Variants in PDE10A observed in about 807,000 individuals in gnomAD.
PDE10A encodes phosphodiesterase 10A.
In PDE10A, 39 loss-of-function variants were observed where a neutral mutation model predicts 97.7. The ratio of observed to expected loss-of-function variants is 0.40; its 90% CI spans 0.31 to 0.52. PDE10A has a LOEUF of 0.52. PDE10A is among the 20% of genes least tolerant of loss of function. PDE10A has a pLI of 0.56. For missense variants in PDE10A, 731 were observed against 1,047.8 expected (o/e 0.70, Z 4.17); for synonymous variants, 371 against 376.8 (o/e 0.98, Z 0.18).
intron 1 of PDE10A, among the ~76,000 whole-genome samples, chr6:165,930,051 C>G (rs2164775): frequency 1.3e-5 from 1 of 77,796 alleles, no homozygotes; most frequent in African/African-American, 5.1e-5. Flanking sequence ...AGGGTGGCAG[C>G]TGGGAAAAGA....
intron 1 of PDE10A, among the ~76,000 whole-genome samples, chr6:165,947,751 T>C (rs1363552027): frequency 5.3e-5 from 8 of 152,160 alleles, no homozygotes; most frequent in Admixed American, 5.2e-4. Flanking sequence ...GATGTCGAAA[T>C]TGTCATACTT....
intron 1 of PDE10A, among the ~76,000 whole-genome samples, chr6:165,875,731 G>GTTTTTTTTTGTTTTTTTTTTTT (rs1554334699): frequency 2.1e-5 from 1 of 46,948 alleles, no homozygotes. Flanking sequence ...TTCTTTTACT[G>GTTTTTTTTTGTTTTTTTTTTTT]TTTTTTTTTT....
At chr6:165,686,618 T>G (rs1338282586) in intron 1 of PDE10A, among the ~76,000 whole-genome samples, 1 of 152,220 alleles carries the variant, frequency 6.6e-6, no homozygotes, top group Non-Finnish European at 1.5e-5. Context: ...CACAAGGCCA[T>G]AAGCAGTGTT....
chr6:165,525,401 T>C (rs1311605551), intron 2 of PDE10A, among the ~76,000 whole-genome samples: 4 of 152,122 alleles, frequency 2.6e-5, no homozygotes, highest in Admixed American at 6.6e-5. Context: ...AGTTGAAATA[T>C]GCATTAAAAA....
At chr6:165,704,274 A>C (rs1791652308) in intron 1 of PDE10A, among the ~76,000 whole-genome samples, 2 of 152,110 alleles carry the variant, frequency 1.3e-5, no homozygotes, top group Admixed American at 6.5e-5. Flanking sequence ...TCCTTCAAAG[A>C]GAGAGGAGCC....
At position 165,576,128 on chromosome 6, in the gene PDE10A, A is replaced by G. The variant is rs920856412; in HGVS notation, c.866-32560T>C. On this transcript the variant is annotated intron_variant, in intron 1 of 21. Coordinates refer to ENST00000539869, the MANE Select transcript of PDE10A (RefSeq NM_001385079.1). ...GAAAAATAAAGGGAAAAATCACCCA[A>G]CTAGAACACCACAGAAATCCTCAAA... is the stretch of plus-strand genomic sequence containing the variant. Among the ~76,000 whole-genome samples, 7 of 152,190 alleles carry G rather than the reference A, an allele frequency of 4.6e-5. No homozygotes were observed. In the South Asian group the frequency reaches 1.0e-3, roughly 23 times the overall value.
chr6:165,331,151 G>A lies in PDE10A; in HGVS notation c.*1874C>T, dbSNP rs549459127. ...GTATCATATATACACATATGTATAC[G>A]TTTACATACATGAGTGTGTATCCTA... On this transcript the variant is annotated 3_prime_UTR_variant, in exon 22 of 22. Coordinates refer to ENST00000539869, the MANE Select transcript of PDE10A (RefSeq NM_001385079.1). The A allele has an allele frequency of 2.5e-3, 373 of 151,916 alleles. 2 individuals carry two copies. Among genetic ancestry groups the A allele is most frequent in the African/African-American group, 8.5e-3 (353 of 41,404 alleles). The allele number at this position is 151,916 out of a possible 1,614,324, so 9.4% of individuals were successfully genotyped here.
At chr6:165,576,415 T>C in intron 1 of PDE10A, 1 of 780,980 alleles carries the variant, frequency 1.3e-6, no homozygotes, top group South Asian at 1.3e-5. Context: ...TACTCACCTG[T>C]TAAATGTTGG....
intron 1 of PDE10A, among the ~76,000 whole-genome samples, chr6:165,578,461 T>C (rs1313627237): frequency 1.3e-5 from 2 of 152,184 alleles, no homozygotes; most frequent in Non-Finnish European, 2.9e-5. Flanking sequence ...ACAGTCTGTT[T>C]CAGATTTTTA....
intron 1 of PDE10A, among the ~76,000 whole-genome samples, chr6:165,700,308 G>C (rs746531568): frequency 6.6e-6 from 1 of 152,006 alleles, no homozygotes; most frequent in Non-Finnish European, 1.5e-5. Context: ...GGGGTAGGGG[G>C]CAGGGTAGGG....
At chr6:165,649,607 G>A (rs1052651057) in intron 1 of PDE10A, among the ~76,000 whole-genome samples, 2 of 152,118 alleles carry the variant, frequency 1.3e-5, no homozygotes, top group African/African-American at 4.8e-5. Context: ...ACTCTGCCCT[G>A]CAAAGCTGCT....
intron 13 of PDE10A, among the ~76,000 whole-genome samples, chr6:165,404,686 A>C (rs1465387091): frequency 6.6e-6 from 1 of 152,136 alleles, no homozygotes; most frequent in African/African-American, 2.4e-5. Flanking sequence ...AAAAAATCTA[A>C]GAATGGAAAG....
intron 1 of PDE10A, among the ~76,000 whole-genome samples, chr6:165,958,541 GA>G (rs1401637688): frequency 2.3e-5 from 1 of 43,372 alleles, no homozygotes; most frequent in South Asian, 8.5e-4. Context: ...AAGAAAGAAA[GA>G]AAGAAAGAAA....
At chr6:165,765,836 G>A (rs879635744) in intron 1 of PDE10A, among the ~76,000 whole-genome samples, 1 of 152,300 alleles carries the variant, frequency 6.6e-6, no homozygotes, top group South Asian at 2.1e-4. Context: ...CTGCCAGCCC[G>A]CTGTCACCTC....
chr6:165,659,176 C>T (rs1230301164), intron 1 of PDE10A, among the ~76,000 whole-genome samples: 3 of 151,780 alleles, frequency 2.0e-5, no homozygotes, highest in Non-Finnish European at 2.9e-5. Flanking sequence ...GATTTGCTTT[C>T]GATGGTAATA....
intron 1 of PDE10A, among the ~76,000 whole-genome samples, chr6:165,870,157 G>A (rs1448959099): frequency 6.6e-6 from 1 of 152,080 alleles, no homozygotes; most frequent in East Asian, 1.9e-4. Context: ...AGTGAAGAGA[G>A]ACAATCTTTG....
At chr6:165,710,575 C>A (rs931791004) in intron 1 of PDE10A, among the ~76,000 whole-genome samples, 4 of 152,190 alleles carry the variant, frequency 2.6e-5, no homozygotes, top group African/African-American at 9.6e-5. Flanking sequence ...AGAAAATTTG[C>A]TTCCAAAGTT....
chr6:165,592,426 G>A (rs1486185672), intron 1 of PDE10A, among the ~76,000 whole-genome samples: 1 of 152,102 alleles, frequency 6.6e-6, no homozygotes, highest in East Asian at 1.9e-4. Context: ...AAAAGCAATG[G>A]CAATAAAAGC....
chr6:165,870,086 A>C (rs2128478281), intron 1 of PDE10A, among the ~76,000 whole-genome samples: 1 of 152,308 alleles, frequency 6.6e-6, no homozygotes, highest in East Asian at 1.9e-4. Flanking sequence ...ACAACAACAA[A>C]ATAGACAAAC....
Sources: allele counts gnomAD v4.1 joint callset (sites outside exome capture counted in the v4.1 genomes callset), GRCh38; gene constraint gnomAD v4.1.1; transcripts MANE v1.5; gene names NCBI Gene and HGNC (gene_info 2026-07-23, HGNC 2026-07-21).